SLC30A7: variants seen among roughly 807,000 people sequenced by gnomAD.
SLC30A7 encodes solute carrier family 30 member 7.
Under a neutral mutation model 46.0 loss-of-function variants are expected in SLC30A7, and 35 were observed. The ratio of observed to expected loss-of-function variants is 0.76; its 90% CI spans 0.58 to 1.01. The LOEUF is 1.01. Ranked by LOEUF, SLC30A7 falls within the 50% of genes least tolerant of loss-of-function variation. SLC30A7 has a pLI of 0.00. For synonymous variants in SLC30A7, 147 were observed against 157.8 expected (o/e 0.93, Z 0.51); for missense variants, 464 against 451.1 (o/e 1.03, Z -0.26).
intron 10 of SLC30A7, among the ~76,000 whole-genome samples, chr1:100,967,081 A>C (rs1655910278): frequency 6.6e-6 from 1 of 152,240 alleles, no homozygotes; most frequent in African/African-American, 2.4e-5. Context: ...TGGGAGAATA[A>C]GAAGGTCATG....
the SLC30A7 span, among the ~76,000 whole-genome samples, chr1:100,991,613 C>G: frequency 6.6e-6 from 1 of 151,752 alleles, no homozygotes. Context: ...ATGGTGAAAC[C>G]CCATCTCCAC....
At chr1:100,948,145 G>A (rs997065486) in intron 8 of SLC30A7, among the ~76,000 whole-genome samples, 3 of 152,144 alleles carry the variant, frequency 2.0e-5, no homozygotes, top group African/African-American at 7.2e-5. Flanking sequence ...TCATAGCATC[G>A]ATGGTCTTTA....
At chr1:100,992,116 C>G in the SLC30A7 span, among the ~76,000 whole-genome samples, 1 of 151,526 alleles carries the variant, frequency 6.6e-6, no homozygotes, top group Non-Finnish European at 1.5e-5. Context: ...AAAAAAGAAC[C>G]TCCCATAAAG....
At chr1:100,940,292 C>T (rs900811487) in intron 8 of SLC30A7, among the ~76,000 whole-genome samples, 19 of 152,066 alleles carry the variant, frequency 1.2e-4, no homozygotes, top group African/African-American at 4.6e-4. Flanking sequence ...AAAAGTAAAA[C>T]ATGAAACCAT....
chr1:100,938,817 G>A (rs987391055), intron 8 of SLC30A7, among the ~76,000 whole-genome samples: 2 of 152,172 alleles, frequency 1.3e-5, no homozygotes, highest in African/African-American at 4.8e-5. Flanking sequence ...ATTAAATCAG[G>A]CTTACCTGGA....
intron 6 of SLC30A7, among the ~76,000 whole-genome samples, chr1:100,917,382 C>T (rs920918373): frequency 3.9e-5 from 6 of 152,110 alleles, no homozygotes; most frequent in Non-Finnish European, 8.8e-5. Context: ...GGTACCTTGA[C>T]CTTTTTGGTG....
At chr1:100,983,661 G>T (rs1009251649), downstream of SLC30A7, among the ~76,000 whole-genome samples, 3 of 152,154 alleles carry the variant, frequency 2.0e-5, no homozygotes, top group Non-Finnish European at 4.4e-5. Context: ...TAAAACTAAA[G>T]AATAAAGCAA....
At chr1:100,947,716 G>T (rs917734505) in intron 8 of SLC30A7, among the ~76,000 whole-genome samples, 24 of 152,186 alleles carry the variant, frequency 1.6e-4, no homozygotes, top group Non-Finnish European at 7.3e-5. Flanking sequence ...CTTGCTTTAT[G>T]AATCTGGGTG....
At chr1:100,922,656 ATCTT>A (rs1653022639) in intron 8 of SLC30A7, among the ~76,000 whole-genome samples, 1 of 152,192 alleles carries the variant, frequency 6.6e-6, no homozygotes, top group South Asian at 2.1e-4. Context: ...GTAGCTCTTT[ATCTT>A]TCTATTTCCT....
At chr1:100,966,552 C>T (rs1354735700) in intron 10 of SLC30A7, among the ~76,000 whole-genome samples, 2 of 152,070 alleles carry the variant, frequency 1.3e-5, no homozygotes, top group Non-Finnish European at 2.9e-5. Context: ...GGCCACTGCA[C>T]TCCAGCCTGG....
intron 8 of SLC30A7, among the ~76,000 whole-genome samples, chr1:100,929,998 T>G (rs1653572493): frequency 6.6e-6 from 1 of 152,066 alleles, no homozygotes; most frequent in Non-Finnish European, 1.5e-5. Context: ...CACTGCAGTT[T>G]AGAGACGAGG....
intron 8 of SLC30A7, among the ~76,000 whole-genome samples, chr1:100,949,631 A>G (rs1193400539): frequency 6.6e-6 from 1 of 152,210 alleles, no homozygotes; most frequent in Non-Finnish European, 1.5e-5. Flanking sequence ...TGGAGTCTGT[A>G]GAGACAGTAG....
intron 8 of SLC30A7, among the ~76,000 whole-genome samples, chr1:100,953,194 T>A (rs1322747319): frequency 2.0e-5 from 3 of 152,228 alleles, no homozygotes; most frequent in Non-Finnish European, 4.4e-5. Flanking sequence ...TCATGCTTCC[T>A]GTTAAGCCTG....
At position 100,965,915 on chromosome 1, in the gene SLC30A7, T is replaced by A. The variant is rs1655832492; in HGVS notation, c.1080T>A (p.Thr360=). ...WILSQTHNIF[T]QAGVRQLYVQ... is the part of the protein sequence containing the mutation. ...TAAGCCAAACACATAATATTTTTACTCAGGTATGTCTTTTTTACTAACTTC... is the reference window on the plus strand; with the variant it reads ...TAAGCCAAACACATAATATTTTTACACAGGTATGTCTTTTTTACTAACTTC... Residue 360 remains threonine, a synonymous_variant, in exon 10 of 11, where the codon ACT becomes ACA. Transcript: ENST00000357650. 2 of 1,609,634 alleles carry A rather than the reference T, an allele frequency of 1.2e-6. No homozygotes were observed. Among genetic ancestry groups the A allele is most frequent in the Non-Finnish European group, 1.7e-6 (2 of 1,178,716 alleles).
chr1:100,959,588 G>T (rs1655425817), intron 8 of SLC30A7, among the ~76,000 whole-genome samples: 1 of 152,202 alleles, frequency 6.6e-6, no homozygotes, highest in Non-Finnish European at 1.5e-5. Flanking sequence ...TTCTCAAGAA[G>T]TATCCTTCAA....
intron 7 of SLC30A7, 105 bp downstream of exon 7, chr1:100,918,232 T>C (rs909264858): frequency 1.1e-6 from 1 of 934,588 alleles, no homozygotes; most frequent in Admixed American, 2.1e-5. Context: ...TAAAACATAG[T>C]GTTTGTGTTT....
intron 8 of SLC30A7, among the ~76,000 whole-genome samples, chr1:100,923,007 T>TAATAAAGTATGATGAAA (rs1557985925): frequency 1.2e-5 from 1 of 86,878 alleles, no homozygotes; most frequent in South Asian, 4.3e-4. Context: ...AGAATAGATT[T>TAATAAAGTATGATGAAA]TTTTTTTTTT....
chr1:100,909,184 A>T (rs1557976769), intron 3 of SLC30A7, among the ~76,000 whole-genome samples: 2 of 152,096 alleles, frequency 1.3e-5, no homozygotes, highest in African/African-American at 4.8e-5. Context: ...AGTGAATCAA[A>T]ATGACACTGA....
intron 8 of SLC30A7, among the ~76,000 whole-genome samples, chr1:100,956,704 G>A (rs1288760617): frequency 2.6e-5 from 4 of 152,194 alleles, no homozygotes; most frequent in Non-Finnish European, 5.9e-5. Context: ...CTTAAGTAAT[G>A]TTATTTCTCA....
Sources: allele counts gnomAD v4.1 joint callset (sites outside exome capture counted in the v4.1 genomes callset), GRCh38; gene constraint gnomAD v4.1.1; transcripts MANE v1.5; gene names NCBI Gene and HGNC (gene_info 2026-07-23, HGNC 2026-07-21).